CYB561A3: variants seen among roughly 807,000 people sequenced by gnomAD.
CYB561A3 encodes the protein cytochrome b561 family member A3.
CYB561A3 carries 16 observed loss-of-function variants against 25.3 expected under a neutral mutation model. That is an observed-to-expected ratio of 0.63 (90% confidence interval 0.43 to 0.96). The LOEUF (loss-of-function observed/expected upper bound fraction) is 0.96. CYB561A3 is among the 40% of genes least tolerant of loss of function. The pLI, the probability that CYB561A3 is intolerant of heterozygous loss-of-function variation, is 0.00. For missense variants in CYB561A3, 219 were observed against 307.5 expected (o/e 0.71, Z 2.15); for synonymous variants, 131 against 129.9 (o/e 1.01, Z -0.06).
In CYB561A3 at chr11:61,350,050, T is replaced by C. The variant is rs1012214889; in HGVS notation, c.*349A>G. 9.8e-6 allele frequency: 5 copies of C among 508,098 alleles called. No homozygotes were observed. Among genetic ancestry groups the C allele is most frequent in the African/African-American group, 9.6e-5 (5 of 52,010 alleles). 31.5% of individuals were successfully genotyped at this position (508,098 alleles called of 1,614,324 possible). ...GAGGACCTCGTGTGAATGGAGGACC[T>C]GAGAGGCTGACGCCAAGGAGTGCAG... On this transcript the variant is annotated 3_prime_UTR_variant, in exon 7 of 7. Coordinates refer to ENST00000294072, the MANE Select transcript of CYB561A3 (RefSeq NM_153611.6).
At chr11:61,350,455 G>C (rs191683631) in intron 6 of CYB561A3, 33 bp from the exon 7 acceptor site, 17 of 1,609,702 alleles carry the variant, frequency 1.1e-5, no homozygotes, top group Middle Eastern at 1.7e-4. Context: ...AGGAGTTAAT[G>C]ACATGATGCA....
intron 5 of CYB561A3, 167 bp from the exon 6 acceptor site, chr11:61,351,314 G>A (rs1195030375): frequency 3.9e-5 from 28 of 717,988 alleles, no homozygotes; most frequent in Non-Finnish European, 5.2e-5. Context: ...TTTTGAGGCA[G>A]AGTCTTGCTC....
rs548393372 is a variant in CYB561A3, at chr11:61,349,596, G to C, written c.*803C>G. ...AGGGCTGCCTGCCGGTGACAGACACGTAAGTCACAGGGAAAGGCCGGGATC... is the reference window on the plus strand; with the variant it reads ...AGGGCTGCCTGCCGGTGACAGACACCTAAGTCACAGGGAAAGGCCGGGATC... On this transcript the variant is annotated 3_prime_UTR_variant, in exon 7 of 7. Coordinates refer to ENST00000294072, the MANE Select transcript of CYB561A3 (RefSeq NM_153611.6). 2.8e-6 allele frequency: 2 copies of C among 702,886 alleles called. No individual in the cohort carries two copies. The highest frequency in any genetic ancestry group is 3.5e-5 in the African/African-American group (2 of 57,268). 43.5% of individuals were successfully genotyped at this position (702,886 alleles called of 1,614,324 possible). A position where few individuals can be genotyped will look rare whatever the true frequency, so the allele number is the denominator to read the frequency against.
intron 6 of CYB561A3, 81 bp downstream of exon 6, chr11:61,350,910 T>A: frequency 7.3e-6 from 11 of 1,515,058 alleles, no homozygotes; most frequent in Non-Finnish European, 9.7e-6. Context: ...AGTCTTCTTG[T>A]CAAGGCCCCA....
At chr11:61,352,460 G>GACCAGCCTGCCCA (rs1590601275) in intron 5 of CYB561A3, 1 of 161,762 alleles carries the variant, frequency 6.2e-6, no homozygotes, top group Non-Finnish European at 1.4e-5. Context: ...AGGAGTCCGA[G>GACCAGCCTGCCCA]ACCAGCCTGC....
intron 5 of CYB561A3, 64 bp from the exon 6 acceptor site, chr11:61,351,211 G>T (rs889314404): frequency 6.6e-7 from 1 of 1,515,134 alleles, no homozygotes; most frequent in African/African-American, 1.4e-5. Flanking sequence ...TCTAGTGGGA[G>T]ACTCGATGTC....
At chr11:61,353,382 T>A in intron 4 of CYB561A3, 1 of 608,638 alleles carries the variant, frequency 1.6e-6, no homozygotes, top group Non-Finnish European at 2.9e-6. Flanking sequence ...ACCTTGTTTG[T>A]CTCTGGTTCC....
At chr11:61,350,886 T>C (rs1857373302) in intron 6 of CYB561A3, 105 bp downstream of exon 6, 3 of 1,464,040 alleles carry the variant, frequency 2.0e-6, no homozygotes, top group Admixed American at 2.5e-5. Context: ...GGTTTCCTGC[T>C]GTGCCACAGG....
In CYB561A3 at chr11:61,350,492, A is replaced by C. The variant is rs1253924359; in HGVS notation, c.706-70T>G. 7.6e-6 allele frequency: 12 copies of C among 1,581,704 alleles called. 1 individual carries two copies. Among genetic ancestry groups the C allele is most frequent in the Middle Eastern group, 3.3e-4 (2 of 6,038 alleles). On this transcript the variant is annotated intron_variant, in intron 6 of 6. Transcript: ENST00000294072. ...GAGTCACACCAGGCCCAAGCTGTTC[A>C]GACAGACCCCCAGCCTGCAGGGTGG... is the stretch of plus-strand genomic sequence containing the variant.
rs1456261447 is a variant in CYB561A3, at chr11:61,350,427, A to T, written c.706-5T>A. 4 of 1,611,402 alleles carry T rather than the reference A, an allele frequency of 2.5e-6. No homozygotes were observed. The highest frequency in any genetic ancestry group is 3.4e-6 in the Non-Finnish European group (4 of 1,179,220). ...CTCCCCATCATGCAGCAGGGGCTGG[A>T]AAGAGAGGCAGATGCCCAGGAGTTA... On this transcript the variant is annotated splice_region_variant and splice_polypyrimidine_tract_variant and intron_variant, in intron 6 of 6. Coordinates refer to ENST00000294072, the MANE Select transcript of CYB561A3 (RefSeq NM_153611.6).
rs2290387 is a variant in CYB561A3, at chr11:61,349,743, G to A, written c.*656C>T. On this transcript the variant is annotated 3_prime_UTR_variant, in exon 7 of 7. Coordinates refer to ENST00000294072, the MANE Select transcript of CYB561A3 (RefSeq NM_153611.6). ...CGGTCAGCTCCTCAGCAGAAGCTGC[G>A]TGGGCCGCCACTCCCCCTTTCTGCA... 1.9e-5 allele frequency: 13 copies of A among 671,272 alleles called. No individual in the cohort carries two copies. The highest frequency in any genetic ancestry group is 3.5e-5 in the African/African-American group (2 of 56,710). The allele number at this position is 671,272 out of a possible 1,614,324, so 41.6% of individuals were successfully genotyped here.
In CYB561A3 at chr11:61,355,451, G is replaced by A. The variant is rs948452798; in HGVS notation, c.184+1079C>T. On this transcript the variant is annotated intron_variant, in intron 3 of 6. Coordinates refer to ENST00000294072, the MANE Select transcript of CYB561A3 (RefSeq NM_153611.6). Reference sequence around the variant, plus strand: ...TCCCAGCACTTTGGGAGGCAGAGGCGGGTGGATCACCTGAGGTCAGGAGTT... The same window carrying A: ...TCCCAGCACTTTGGGAGGCAGAGGCAGGTGGATCACCTGAGGTCAGGAGTT... Among the ~76,000 whole-genome samples the A allele has an allele frequency of 3.2e-4, 49 of 151,974 alleles. 1 individual carries two copies. The highest frequency in any genetic ancestry group is 5.0e-4 in the Non-Finnish European group (34 of 67,978).
At position 61,356,598 on chromosome 11, in the gene CYB561A3, C is replaced by G; in HGVS notation, c.116G>C (p.Gly39Ala). The change falls in exon 3 of 7, where the codon GGC becomes GCC. Residue 39 changes from glycine to alanine, a missense_variant. Gly to Ala is a moderately conservative substitution (Grantham distance 60). Transcript: ENST00000294072. The stretch of plus-strand genomic sequence containing the variant: ...GTGCCAGTTGAACATGTAGATGCTG[C>G]CATTCCAGGCAAAGCCACCACGCCA... ...QYWRGGFAWNGSIYMFNWHPV... is the reference protein window; with the variant it reads ...QYWRGGFAWNASIYMFNWHPV... 6.2e-7 allele frequency: 1 copy of G among 1,614,180 alleles called. No homozygotes were observed. The highest frequency in any genetic ancestry group is 8.5e-7 in the Non-Finnish European group (1 of 1,180,024).
chr11:61,357,319 C>G, intron 2 of CYB561A3: 1 of 1,242,682 alleles, frequency 8.0e-7, no homozygotes, highest in Non-Finnish European at 1.1e-6. Context: ...CACCTTGAAC[C>G]AGCTGATGCC....
At chr11:61,353,447 G>A (rs1417037820) in intron 4 of CYB561A3, 1 of 646,716 alleles carries the variant, frequency 1.5e-6, no homozygotes, top group Non-Finnish European at 2.8e-6. Context: ...ATCAGAATAT[G>A]GAAACCACTT....
Position 61,356,642 on chromosome 11 carries a change from A to G in CYB561A3, c.72T>C (p.Thr24=), listed in dbSNP as rs748185091. 1.9e-6 allele frequency: 3 copies of G among 1,614,218 alleles called. No homozygotes were observed. The highest frequency in any genetic ancestry group is 1.7e-5 in the Admixed American group (1 of 60,018). ...CACGCCAGTACTGCATCCAGTAGAT[A>G]GTGAAGAGGATGCACATAGAGCCCA... ...GSLGSMCILF[T]IYWMQYWRGG... is the part of the protein sequence containing the mutation. The change falls in exon 3 of 7, where the codon ACT becomes ACC. Residue 24 remains threonine, a synonymous_variant. Coordinates refer to ENST00000294072, the MANE Select transcript of CYB561A3 (RefSeq NM_153611.6).
At chr11:61,350,531 C>A in intron 6 of CYB561A3, 109 bp from the exon 7 acceptor site, 5 of 1,404,918 alleles carry the variant, frequency 3.6e-6, no homozygotes, top group Non-Finnish European at 4.9e-6. Flanking sequence ...CCATCCAAGC[C>A]ACCAAATCCC....
At position 61,356,597 on chromosome 11, in the gene CYB561A3, G is replaced by A; in HGVS notation, c.117C>T (p.Gly39=). 6.2e-7 allele frequency: 1 copy of A among 1,614,204 alleles called. No individual in the cohort carries two copies. Among genetic ancestry groups the A allele is most frequent in the Non-Finnish European group, 8.5e-7 (1 of 1,180,046 alleles). ...GGTGCCAGTTGAACATGTAGATGCT[G>A]CCATTCCAGGCAAAGCCACCACGCC... The part of the protein sequence containing the change: ...QYWRGGFAWN[G]SIYMFNWHPV... The change falls in exon 3 of 7, where the codon GGC becomes GGT. Residue 39 remains glycine, a synonymous_variant. Transcript: ENST00000294072.
intron 5 of CYB561A3, 140 bp downstream of exon 5, chr11:61,352,845 T>G (rs1406384177): frequency 1.3e-6 from 2 of 1,496,544 alleles, no homozygotes; most frequent in Non-Finnish European, 8.9e-7. Flanking sequence ...AAAGATCAAT[T>G]CTGTTACCTT....
Sources: allele counts gnomAD v4.1 joint callset (sites outside exome capture counted in the v4.1 genomes callset), GRCh38; gene constraint gnomAD v4.1.1; transcripts MANE v1.5; gene names NCBI Gene and HGNC (gene_info 2026-07-23, HGNC 2026-07-21).